Variants in FBXL17 observed in about 807,000 individuals in gnomAD.
The protein encoded by FBXL17 is F-box and leucine rich repeat protein 17.
FBXL17 carries 22 observed loss-of-function variants against 66.2 expected under a neutral mutation model. The ratio of observed to expected loss-of-function variants is 0.33; its 90% CI spans 0.24 to 0.47. The LOEUF is 0.47. FBXL17 is among the 20% of genes least tolerant of loss of function. The pLI, the probability that FBXL17 is intolerant of heterozygous loss-of-function variation, is 1.00. For synonymous variants in FBXL17, 474 were observed against 400.5 expected, an observed-to-expected ratio of 1.18 and a Z score of -2.19; for missense variants, 878 against 948.2, an observed-to-expected ratio of 0.93 and a Z score of 0.97.
chr5:108,309,155 T>C (rs1403137157), intron 4 of FBXL17, among the ~76,000 whole-genome samples: 1 of 152,102 alleles, frequency 6.6e-6, no homozygotes, highest in African/African-American at 2.4e-5. Flanking sequence ...AAGACCAAAG[T>C]CGTTTTTTAA....
chr5:108,182,341 AAT>A (rs1753038265), intron 6 of FBXL17, among the ~76,000 whole-genome samples: 1 of 152,178 alleles, frequency 6.6e-6, no homozygotes, highest in East Asian at 1.9e-4. Context: ...CTGAAATTAT[AAT>A]TAAGTCTGAT....
chr5:107,928,292 G>A (rs975596703), intron 7 of FBXL17, among the ~76,000 whole-genome samples: 9 of 152,026 alleles, frequency 5.9e-5, no homozygotes, highest in Non-Finnish European at 1.2e-4. Context: ...TAGCTTTGCA[G>A]GGAAATACAT....
intron 6 of FBXL17, among the ~76,000 whole-genome samples, chr5:108,140,566 T>G (rs1331176066): frequency 6.6e-6 from 1 of 152,200 alleles, no homozygotes; most frequent in African/African-American, 2.4e-5. Context: ...TTCCTCTGCC[T>G]ACCGCTTACA....
chr5:107,876,148 T>C (rs1748608162), intron 8 of FBXL17, among the ~76,000 whole-genome samples: 1 of 152,256 alleles, frequency 6.6e-6, no homozygotes, highest in African/African-American at 2.4e-5. Context: ...GGTAGCCATC[T>C]GCTCCGGGCC....
chr5:108,356,423 A>T (rs1471110219), intron 3 of FBXL17, among the ~76,000 whole-genome samples: 2 of 152,204 alleles, frequency 1.3e-5, no homozygotes, highest in Non-Finnish European at 2.9e-5. Context: ...GAACTTGGAC[A>T]TGCCCAAAAT....
intron 4 of FBXL17, among the ~76,000 whole-genome samples, chr5:108,296,940 T>C (rs993318402): frequency 5.9e-5 from 9 of 151,590 alleles, no homozygotes; most frequent in African/African-American, 2.2e-4. Context: ...CTCAATTAGA[T>C]AATATACTTT....
At chr5:108,088,244 T>C (rs1749045686) in intron 6 of FBXL17, among the ~76,000 whole-genome samples, 1 of 152,186 alleles carries the variant, frequency 6.6e-6, no homozygotes, top group Non-Finnish European at 1.5e-5. Flanking sequence ...AATTTAGGGA[T>C]TCTAGTCTCA....
chr5:108,282,478 A>G (rs1440547419), intron 4 of FBXL17, among the ~76,000 whole-genome samples: 1 of 151,938 alleles, frequency 6.6e-6, no homozygotes, highest in African/African-American at 2.4e-5. Flanking sequence ...CCTTCATGAT[A>G]AAAACCCTAA....
chr5:108,374,456 G>T (rs1749283570), intron 1 of FBXL17, among the ~76,000 whole-genome samples: 1 of 152,148 alleles, frequency 6.6e-6, no homozygotes, highest in Non-Finnish European at 1.5e-5. Context: ...CAGATCACTT[G>T]AGCCCAGGGG....
intron 6 of FBXL17, among the ~76,000 whole-genome samples, chr5:108,068,912 G>C (rs1034076966): frequency 1.8e-4 from 27 of 152,186 alleles, no homozygotes; most frequent in African/African-American, 6.3e-4. Context: ...CATCAAACTT[G>C]TACAGCAGTG....
chr5:108,167,893 C>G (rs1357310712), intron 6 of FBXL17, among the ~76,000 whole-genome samples: 1 of 152,036 alleles, frequency 6.6e-6, no homozygotes, highest in East Asian at 1.9e-4. Flanking sequence ...AAAAATTATC[C>G]AAGAAACAAA....
chr5:108,216,096 G>A (rs922551884), intron 5 of FBXL17, among the ~76,000 whole-genome samples: 7 of 152,022 alleles, frequency 4.6e-5, no homozygotes, highest in African/African-American at 1.7e-4. Flanking sequence ...GGTTCTTATA[G>A]CTCTGTAGTA....
In FBXL17 at chr5:107,859,390, G is replaced by GTTTTTTTTTTT. The variant is rs549840338; in HGVS notation, c.*2319_*2329dup. 43 of 60,184 alleles carry GTTTTTTTTTTT rather than the reference G, an allele frequency of 7.1e-4. 1 individual carries two copies. Among genetic ancestry groups the GTTTTTTTTTTT allele is most frequent in the African/African-American group, 2.4e-3 (35 of 14,486 alleles). 3.7% of individuals were successfully genotyped at this position (60,184 alleles called of 1,614,324 possible). A position where few individuals can be genotyped will look rare whatever the true frequency, so the allele number is the denominator to read the frequency against. ...CTCAAGGTGATGCTTTTTTCTGGCT[G>GTTTTTTTTTTT]TTTTTTTTTTTTTTTTTTTTTTTTT... is the stretch of plus-strand genomic sequence containing the variant. On this transcript the variant is annotated 3_prime_UTR_variant, in exon 9 of 9. Coordinates refer to ENST00000542267, the MANE Select transcript of FBXL17 (RefSeq NM_001163315.3).
At chr5:107,967,805 T>C (rs1438674544) in intron 7 of FBXL17, among the ~76,000 whole-genome samples, 1 of 152,132 alleles carries the variant, frequency 6.6e-6, no homozygotes, top group African/African-American at 2.4e-5. Context: ...AAAAAATTTC[T>C]GTAATTGGAT....
At chr5:107,951,929 T>G (rs182578260) in intron 7 of FBXL17, among the ~76,000 whole-genome samples, 11 of 152,332 alleles carry the variant, frequency 7.2e-5, no homozygotes, top group East Asian at 5.8e-4. Context: ...AGCAAAACTC[T>G]AATTGGCTTT....
chr5:108,374,300 A>G (rs1414831850), intron 1 of FBXL17, among the ~76,000 whole-genome samples: 2 of 152,230 alleles, frequency 1.3e-5, no homozygotes. Flanking sequence ...ACTACACTAC[A>G]AGTCAAGTCT....
At chr5:108,280,746 G>A (rs893017734) in intron 4 of FBXL17, among the ~76,000 whole-genome samples, 1 of 148,818 alleles carries the variant, frequency 6.7e-6, no homozygotes. Context: ...AAAAAAACAT[G>A]ATCCAACTAT....
At chr5:107,999,905 T>C (rs1209477803) in intron 7 of FBXL17, among the ~76,000 whole-genome samples, 4 of 152,028 alleles carry the variant, frequency 2.6e-5, no homozygotes, top group African/African-American at 9.7e-5. Context: ...AAGAAACAAA[T>C]GGACACACCA....
intron 6 of FBXL17, among the ~76,000 whole-genome samples, chr5:108,134,513 A>G (rs1459688508): frequency 1.3e-5 from 2 of 152,146 alleles, no homozygotes; most frequent in Non-Finnish European, 2.9e-5. Flanking sequence ...TTTTCCCCCA[A>G]AACCTCGTAT....
Sources: gnomAD v4.1 joint callset for allele counts (sites outside exome capture counted in the v4.1 genomes callset) on GRCh38, gnomAD v4.1.1 for gene constraint, MANE v1.5 for transcripts, NCBI Gene and HGNC (gene_info 2026-07-23, HGNC 2026-07-21) for gene names.